NAT1: variants seen among roughly 807,000 people sequenced by gnomAD.
NAT1 encodes N-acetyltransferase 1.
For synonymous variants in NAT1, 144 were observed against 122.6 expected, an observed-to-expected ratio of 1.17 and a Z score of -1.16; for missense variants, 400 against 339.2, an observed-to-expected ratio of 1.18 and a Z score of -1.41.
At chr8:18,177,322 G>T (rs1201765167) in intron 2 of NAT1, among the ~76,000 whole-genome samples, 1 of 152,008 alleles carries the variant, frequency 6.6e-6, no homozygotes, top group Non-Finnish European at 1.5e-5. Context: ...AATTAACTTA[G>T]ATTTGATCTT....
chr8:18,191,926 T>C (rs1292314562), intron 2 of NAT1, among the ~76,000 whole-genome samples: 1 of 152,136 alleles, frequency 6.6e-6, no homozygotes, highest in Non-Finnish European at 1.5e-5. Flanking sequence ...GACATAGGCA[T>C]GGGCAAGGAC....
At chr8:18,191,543 A>G (rs1802991108) in intron 2 of NAT1, among the ~76,000 whole-genome samples, 1 of 151,920 alleles carries the variant, frequency 6.6e-6, no homozygotes, top group African/African-American at 2.4e-5. Context: ...AGTCAATCCT[A>G]AGCCAAAAGA....
At chr8:18,174,749 T>C (rs937359541) in intron 2 of NAT1, among the ~76,000 whole-genome samples, 45 of 151,614 alleles carry the variant, frequency 3.0e-4, no homozygotes, top group African/African-American at 1.1e-3. Flanking sequence ...AAACCCAGGG[T>C]TTTTTCTAGC....
intron 2 of NAT1, among the ~76,000 whole-genome samples, chr8:18,174,782 A>G (rs1253989562): frequency 7.2e-5 from 11 of 152,130 alleles, no homozygotes; most frequent in Admixed American, 7.2e-4. Context: ...GGCAAACCTC[A>G]GCACACAAGC....
chr8:18,218,720 C>T (rs369994439), intron 1 of NAT1, among the ~76,000 whole-genome samples: 15 of 152,138 alleles, frequency 9.9e-5, no homozygotes, highest in African/African-American at 3.4e-4. Flanking sequence ...CATCTTGTAG[C>T]CATCTTATTC....
chr8:18,209,988 C>A (rs764119183), upstream of NAT1: 5 of 152,154 alleles, frequency 3.3e-5, no homozygotes, highest in East Asian at 1.9e-4. Flanking sequence ...ACAGGAGCAA[C>A]CTGAGTCCCT....
chr8:18,200,326 A>AAT (rs1443448103), intron 2 of NAT1, among the ~76,000 whole-genome samples: 2 of 152,098 alleles, frequency 1.3e-5, no homozygotes, highest in African/African-American at 4.8e-5. Flanking sequence ...ATTAAAAAAA[A>AAT]ATATACAAAA....
At chr8:18,172,315 G>A (rs1002206846) in intron 2 of NAT1, among the ~76,000 whole-genome samples, 2 of 152,032 alleles carry the variant, frequency 1.3e-5, no homozygotes, top group African/African-American at 2.4e-5. Context: ...TCTACCTCCC[G>A]ACATGCCACT....
intron 1 of NAT1, among the ~76,000 whole-genome samples, chr8:18,213,395 C>G (rs982822441): frequency 1.3e-5 from 2 of 152,158 alleles, no homozygotes; most frequent in Non-Finnish European, 2.9e-5. Context: ...AGAATATGTT[C>G]TGTTAAAAAT....
chr8:18,182,622 C>A (rs575794380), intron 2 of NAT1, among the ~76,000 whole-genome samples: 1 of 152,108 alleles, frequency 6.6e-6, no homozygotes. Flanking sequence ...ATTTCCTTAG[C>A]CTATTTTTCA....
At chr8:18,213,591 T>C (rs1804327476) in intron 1 of NAT1, among the ~76,000 whole-genome samples, 1 of 152,168 alleles carries the variant, frequency 6.6e-6, no homozygotes, top group Admixed American at 6.5e-5. Context: ...CCTGCAAACA[T>C]TTTATAAAAG....
intron 2 of NAT1, among the ~76,000 whole-genome samples, chr8:18,197,657 G>A (rs186972486): frequency 1.3e-5 from 2 of 152,268 alleles, no homozygotes; most frequent in African/African-American, 2.4e-5. Context: ...GTGGCGGTTT[G>A]TCTAAACAGC....
chr8:18,179,930 G>T (rs1410022212), intron 2 of NAT1, among the ~76,000 whole-genome samples: 1 of 152,068 alleles, frequency 6.6e-6, no homozygotes, highest in Non-Finnish European at 1.5e-5. Context: ...GATATACAAA[G>T]AATAATAGAG....
At chr8:18,216,332 C>T (rs912802372) in intron 1 of NAT1, among the ~76,000 whole-genome samples, 2 of 152,174 alleles carry the variant, frequency 1.3e-5, no homozygotes, top group Non-Finnish European at 2.9e-5. Flanking sequence ...TATCCTCTCT[C>T]TTTCCATAGC....
chr8:18,192,761 G>A (rs564784976), intron 2 of NAT1, among the ~76,000 whole-genome samples: 1 of 150,876 alleles, frequency 6.6e-6, no homozygotes, highest in Non-Finnish European at 1.5e-5. Context: ...AACACTGCAT[G>A]TTCTCACCCA....
At chr8:18,188,912 T>G (rs1454419023) in intron 2 of NAT1, among the ~76,000 whole-genome samples, 1 of 142,756 alleles carries the variant, frequency 7.0e-6, no homozygotes, top group African/African-American at 2.5e-5. Context: ...GGAGAATCAC[T>G]TGAACCCGAG....
chr8:18,178,700 T>A (rs935132187), intron 2 of NAT1, among the ~76,000 whole-genome samples: 2 of 152,172 alleles, frequency 1.3e-5, no homozygotes, highest in African/African-American at 4.8e-5. Flanking sequence ...TTGAGTCATA[T>A]TCCTTTGAGA....
At chr8:18,200,116 T>C (rs1164200776) in intron 2 of NAT1, among the ~76,000 whole-genome samples, 3 of 152,194 alleles carry the variant, frequency 2.0e-5, no homozygotes, top group African/African-American at 7.2e-5. Flanking sequence ...GTTCAGTCAC[T>C]GTAGAAAACA....
intron 1 of NAT1, among the ~76,000 whole-genome samples, chr8:18,214,440 C>A (rs1189040285): frequency 6.6e-6 from 1 of 152,196 alleles, no homozygotes; most frequent in South Asian, 2.1e-4. Context: ...TTTGAAGATA[C>A]ACTTCTATTA....
Sources: gnomAD v4.1 joint callset for allele counts (sites outside exome capture counted in the v4.1 genomes callset) on GRCh38, gnomAD v4.1.1 for gene constraint, MANE v1.5 for transcripts, NCBI Gene and HGNC (gene_info 2026-07-23, HGNC 2026-07-21) for gene names.